SYNE2: variants seen among roughly 807,000 people sequenced by gnomAD.
SYNE2 encodes the protein nesprin-2.
In SYNE2, 431 loss-of-function variants were observed where a neutral mutation model predicts 856.3. The observed-to-expected ratio is 0.50, with a 90% CI of 0.47 to 0.55. The LOEUF (loss-of-function observed/expected upper bound fraction) is 0.55, where lower values mean the gene tolerates loss of function less well. Among genes scored for constraint, SYNE2 ranks in the 20% least tolerant of loss-of-function variants. The pLI is 0.00. For missense variants in SYNE2, 8,129 were observed against 8,023.2 expected (o/e 1.01, Z -0.50); for synonymous variants, 2,923 against 2,872.3 (o/e 1.02, Z -0.56).
At chr14:64,116,000 TAA>T (rs560071561) in intron 66 of SYNE2, among the ~76,000 whole-genome samples, 23 of 151,576 alleles carry the variant, frequency 1.5e-4, no homozygotes, top group African/African-American at 5.3e-4. Context: ...CAAAATAATT[TAA>T]AAAAAAATTA....
chr14:64,070,994 G>A lies in SYNE2; in HGVS notation c.10697+84G>A. 10 of 1,401,214 alleles carry A rather than the reference G, an allele frequency of 7.1e-6. 2 individuals carry two copies. In the South Asian group the frequency reaches 9.5e-5, roughly 13 times the overall value. 86.8% of individuals were successfully genotyped at this position (1,401,214 alleles called of 1,614,324 possible). ...GAAAATCTAAAAGTATAGAATAATG[G>A]CAAATGATACAATAGAATTGAGGTG... On this transcript the variant is annotated intron_variant, in intron 52 of 115. Transcript: ENST00000555002.
At chr14:64,000,168 A>G (rs2096742980) in intron 27 of SYNE2, among the ~76,000 whole-genome samples, 1 of 152,266 alleles carries the variant, frequency 6.6e-6, no homozygotes, top group Admixed American at 6.5e-5. Context: ...TTATTTATGT[A>G]GAAACAGTTT....
At position 63,979,310 on chromosome 14, in the gene SYNE2, C is replaced by T. The variant is rs139946028; in HGVS notation, c.1569+296C>T. On this transcript the variant is annotated intron_variant, in intron 14 of 115. Transcript: ENST00000555002. Reference sequence around the variant, plus strand: ...CCATGCTTTTTTTCATTAAAAATTCCGCTTTCACTTACTTGAAATGTTAAT... The same window carrying T: ...CCATGCTTTTTTTCATTAAAAATTCTGCTTTCACTTACTTGAAATGTTAAT... Among the ~76,000 whole-genome samples the T allele has an allele frequency of 1.1e-3, 164 of 152,218 alleles. 2 individuals are homozygous for T. The South Asian group carries it at 0.015, about 14-fold the overall frequency.
chr14:64,175,099 G>T lies in SYNE2; in HGVS notation c.17391G>T (p.Gln5797His), dbSNP rs1174670225. ...LQDSWKDMEP[Q>H]LAEMIKQFQS... is the part of the protein sequence containing the mutation. ...ACAGCTGGAAAGACATGGAGCCCCA[G>T]CTGGCAGAGATGATTAAGCAGTTCC... is the stretch of plus-strand genomic sequence containing the variant. The change falls in exon 95 of 116, where the codon CAG becomes CAT. Residue 5797 changes from glutamine (Q) to histidine (H), a missense_variant. By Grantham distance (24) the Gln-to-His change is conservative. Around this residue, in one of 3 missense-constraint regions of SYNE2, gnomAD observed 5,410 missense variants for 5,284.8 expected, o/e 1.02. Coordinates refer to ENST00000555002, the MANE Select transcript of SYNE2 (RefSeq NM_182914.3). The T allele has an allele frequency of 6.2e-7, 1 of 1,614,018 alleles. No homozygotes were observed. Among genetic ancestry groups the T allele is most frequent in the Non-Finnish European group, 8.5e-7 (1 of 1,180,000 alleles).
rs766887347 is a variant in SYNE2 at position 64,031,323 on chromosome 14, T to A, written c.7187T>A (p.Val2396Glu). 6.2e-7 allele frequency: 1 copy of A among 1,613,866 alleles called. No individual in the cohort carries two copies. Among genetic ancestry groups the A allele is most frequent in the Non-Finnish European group, 8.5e-7 (1 of 1,180,006 alleles). The change falls in exon 45 of 116, where the codon GTG (valine) becomes GAG (glutamate). Residue 2396 changes from valine to glutamate, a missense_variant. By Grantham distance (121) the Val-to-Glu change is moderately radical (BLOSUM62 -2). Transcript: ENST00000555002. Reference protein sequence around the residue: ...VQESTQESAAVEKLEEDWEIN... With the variant: ...VQESTQESAAEEKLEEDWEIN... ...GAGTCTACTCAGGAATCAGCTGCAG[T>A]GGAAAAGTTGGAGGAAGACTGGGAA...
intron 65 of SYNE2, among the ~76,000 whole-genome samples, 175 bp downstream of exon 65, chr14:64,107,782 A>G (rs1242680808): frequency 6.6e-6 from 1 of 152,240 alleles, no homozygotes; most frequent in Non-Finnish European, 1.5e-5. Flanking sequence ...GTCATCAGAT[A>G]TTTACAAAGA....
intron 66 of SYNE2, among the ~76,000 whole-genome samples, chr14:64,115,379 G>T (rs1316095212): frequency 6.6e-6 from 1 of 152,132 alleles, no homozygotes; most frequent in East Asian, 1.9e-4. Flanking sequence ...CACCCAGAGG[G>T]GGAGGAAGGC....
rs773193044 is a variant in SYNE2 at position 64,016,547 on chromosome 14, A to T, written c.4803A>T (p.Leu1601=). 3 of 1,603,538 alleles carry T rather than the reference A, an allele frequency of 1.9e-6. No homozygotes were observed. In the South Asian group the frequency reaches 3.4e-5, roughly 18 times the overall value. ...VDKINQVCKN[L]QFYLNKMKTF... is the part of the protein sequence containing the mutation. ...AGATAAACCAGGTCTGCAAAAATCT[A>T]CAATTTTATCTAAATAAAATGAAAA... Residue 1601 remains leucine, a synonymous_variant, in exon 33 of 116, where the codon CTA becomes CTT. Coordinates refer to ENST00000555002, the MANE Select transcript of SYNE2 (RefSeq NM_182914.3).
chr14:63,785,687 T>C (rs1414378261), intron 1 of SYNE2, among the ~76,000 whole-genome samples: 1 of 152,200 alleles, frequency 6.6e-6, no homozygotes, highest in African/African-American at 2.4e-5. Context: ...CTGTACTATC[T>C]TTTGATATGT....
At chr14:64,190,406 A>G (rs543583368) in intron 99 of SYNE2, among the ~76,000 whole-genome samples, 169 bp downstream of exon 99, 1 of 152,364 alleles carries the variant, frequency 6.6e-6, no homozygotes, top group African/African-American at 2.4e-5. Flanking sequence ...TACAAAAAGA[A>G]TTATATGCTA....
intron 1 of SYNE2, among the ~76,000 whole-genome samples, chr14:63,840,482 T>C (rs1890026678): frequency 7.2e-6 from 1 of 138,884 alleles, no homozygotes; most frequent in Non-Finnish European, 1.6e-5. Flanking sequence ...TCCTTTTCCC[T>C]CCCTCCCTTC....
At chr14:63,892,777 A>AC (rs1284358332) in intron 1 of SYNE2, among the ~76,000 whole-genome samples, 1 of 146,526 alleles carries the variant, frequency 6.8e-6, no homozygotes, top group African/African-American at 2.5e-5. Flanking sequence ...ACTATGTTGC[A>AC]CAGGCTGGCC....
In SYNE2 at chr14:64,158,773, G is replaced by A. The variant is rs2098306091; in HGVS notation, c.15941G>A (p.Arg5314Lys). The change falls in exon 86 of 116, where the codon AGA becomes AAA. Residue 5314 changes from arginine (R) to lysine (K), a missense_variant. Physicochemically the swap from Arg to Lys is conservative, Grantham distance 26. Transcript: ENST00000555002. The part of the protein sequence containing the change: ...KPVVLSLETL[R>K]CQVENLQSLQ... ...GTGGTGTTATCATTGGAGACCTTGA[G>A]ATGCCAGGTGGAGAACCTTCAGGTA... The A allele has an allele frequency of 6.2e-7, 1 of 1,613,928 alleles. No homozygotes were observed. Among genetic ancestry groups the A allele is most frequent in the South Asian group, 1.1e-5 (1 of 91,072 alleles).
At chr14:64,187,632 A>G (rs2098498891) in intron 97 of SYNE2, among the ~76,000 whole-genome samples, 1 of 152,148 alleles carries the variant, frequency 6.6e-6, no homozygotes, top group East Asian at 1.9e-4. Flanking sequence ...AGCATTCAGT[A>G]TTTTCTCCTC....
At chr14:63,902,041 T>C (rs2095343867) in intron 1 of SYNE2, among the ~76,000 whole-genome samples, 1 of 152,218 alleles carries the variant, frequency 6.6e-6, no homozygotes, top group Non-Finnish European at 1.5e-5. Flanking sequence ...CACTTCATTT[T>C]AGAAGCTTTA....
At chr14:64,185,519 C>CTTTTTTTTTTTTTTTTTTT (rs66490444) in intron 96 of SYNE2, among the ~76,000 whole-genome samples, 2 of 77,464 alleles carry the variant, frequency 2.6e-5, no homozygotes, top group Non-Finnish European at 4.8e-5. Flanking sequence ...TTTTCTTTTT[C>CTTTTTTTTTTTTTTTTTTT]TTTTTTTTTT....
chr14:64,214,461 G>T lies in SYNE2; in HGVS notation c.19324G>T (p.Ala6442Ser), dbSNP rs778042205. ...GGACGAGGAGGGCCCATACTACAGC[G>T]CACTGTCAGGTAACAGCTGGGTTCC... is the stretch of plus-strand genomic sequence containing the variant. ...EEDEEGPYYSALSDVEIPENP... is the reference protein window; with the variant it reads ...EEDEEGPYYSSLSDVEIPENP... The change falls in exon 106 of 116, where the codon GCA (alanine) becomes TCA (serine). Residue 6442 changes from alanine (A) to serine (S), a missense_variant. This residue lies in a region of SYNE2 where 5,410 missense variants were observed against 5,284.8 expected (regional missense o/e 1.02). Transcript: ENST00000555002. The T allele has an allele frequency of 8.7e-6, 14 of 1,612,130 alleles. No individual in the cohort carries two copies. The highest frequency in any genetic ancestry group is 2.2e-5 in the East Asian group (1 of 44,854).
intron 1 of SYNE2, among the ~76,000 whole-genome samples, chr14:63,827,625 CAA>C (rs11334415): frequency 1.2e-3 from 34 of 28,406 alleles, no homozygotes; most frequent in African/African-American, 2.8e-3. Context: ...AACTCTGTCT[CAA>C]AAAAAAAAAA....
chr14:64,058,407 G>A (rs969896371), intron 49 of SYNE2, among the ~76,000 whole-genome samples: 1 of 152,126 alleles, frequency 6.6e-6, no homozygotes, highest in African/African-American at 2.4e-5. Context: ...GAAGTTCTCT[G>A]TTATGATCTC....
Sources: allele counts gnomAD v4.1 joint callset (sites outside exome capture counted in the v4.1 genomes callset), GRCh38; gene constraint gnomAD v4.1.1; regional missense constraint gnomAD v4.1.1; transcripts MANE v1.5; gene names NCBI Gene and HGNC (gene_info 2026-07-23, HGNC 2026-07-21).